GABBR2: variants seen among roughly 807,000 people sequenced by gnomAD.
The protein encoded by GABBR2 is G-protein coupled receptor 51.
GABBR2 carries 23 observed loss-of-function variants against 105.6 expected under a neutral mutation model. The ratio of observed to expected loss-of-function variants is 0.22; its 90% CI spans 0.16 to 0.31. GABBR2 has a LOEUF of 0.31. GABBR2 is among the 10% of genes least tolerant of loss of function. GABBR2 has a pLI of 1.00. For synonymous variants in GABBR2, 478 were observed against 499.7 expected (o/e 0.96, Z 0.58); for missense variants, 734 against 1,245.5 (o/e 0.59, Z 6.18).
chr9:98,691,659 T>G lies in GABBR2; in HGVS notation c.321+16758A>C, dbSNP rs556423303. ...GCCGTTCAGCTCTCTGTCCACAGTG[T>G]CTCTTGCGGTCAGTCACCTATGTGC... On this transcript the variant is annotated intron_variant, in intron 1 of 18. Coordinates refer to ENST00000259455, the MANE Select transcript of GABBR2 (RefSeq NM_005458.8). 3.5e-4 allele frequency among the ~76,000 whole-genome samples: 53 copies of G among 152,292 alleles called. No individual in the cohort carries two copies. The South Asian group carries it at 0.011, about 30-fold the overall frequency.
chr9:98,691,472 C>G (rs886935272), intron 1 of GABBR2, among the ~76,000 whole-genome samples: 1 of 152,210 alleles, frequency 6.6e-6, no homozygotes, highest in African/African-American at 2.4e-5. Context: ...TTGCCCAGCT[C>G]TCCGTTGACT....
In GABBR2 at chr9:98,576,933, T is replaced by TGGATGGATGGAA. The variant is rs1554718743; in HGVS notation, c.459+1001_459+1002insTTCCATCCATCC. Among the ~76,000 whole-genome samples, 202 of 145,540 alleles carry TGGATGGATGGAA rather than the reference T, an allele frequency of 1.4e-3. 2 individuals are homozygous for TGGATGGATGGAA. The highest frequency in any genetic ancestry group is 3.7e-3 in the African/African-American group (147 of 40,160). On this transcript the variant is annotated intron_variant, in intron 2 of 18. Coordinates refer to ENST00000259455, the MANE Select transcript of GABBR2 (RefSeq NM_005458.8). ...ATGGATGGATGGATGGATGGATGGA[T>TGGATGGATGGAA]GGATGGATGGATGGATGGATAGGTG...
In GABBR2 at chr9:98,362,736, T is replaced by C. The variant is rs77587953; in HGVS notation, c.1872A>G (p.Thr624=). 1 of 1,598,384 alleles carries C rather than the reference T, an allele frequency of 6.3e-7. No homozygotes were observed. Among genetic ancestry groups the C allele is most frequent in the Non-Finnish European group, 8.5e-7 (1 of 1,173,650 alleles). Reference sequence around the variant, plus strand: ...TTACCTCCATGCTGTACTTCTCCACTGTCCTTCGCAGGGGGTCCACAGCCT... The same window carrying C: ...TTACCTCCATGCTGTACTTCTCCACCGTCCTTCGCAGGGGGTCCACAGCCT... The part of the protein sequence containing the change: ...CWQAVDPLRR[T]VEKYSMEPDP... Residue 624 remains threonine (T), a synonymous_variant, in exon 13 of 19, where the codon ACA becomes ACG. Transcript: ENST00000259455.
chr9:98,345,065 C>T (rs1351696650), intron 13 of GABBR2, among the ~76,000 whole-genome samples: 1 of 152,152 alleles, frequency 6.6e-6, no homozygotes, highest in African/African-American at 2.4e-5. Flanking sequence ...CCTCCCTGCC[C>T]CCATATCACT....
chr9:98,327,520 A>C (rs973870311), intron 13 of GABBR2, among the ~76,000 whole-genome samples: 1 of 152,164 alleles, frequency 6.6e-6, no homozygotes, highest in Non-Finnish European at 1.5e-5. Flanking sequence ...TAGCCAAAGA[A>C]GTTTTGGAAA....
At chr9:98,538,688 C>A in intron 3 of GABBR2, 1 of 552,364 alleles carries the variant, frequency 1.8e-6, no homozygotes, top group Non-Finnish European at 2.3e-6. Flanking sequence ...CCCCCTCCGA[C>A]TTCAGGATTT....
intron 4 of GABBR2, among the ~76,000 whole-genome samples, chr9:98,489,959 G>A (rs780147755): frequency 1.3e-5 from 2 of 152,234 alleles, no homozygotes; most frequent in Non-Finnish European, 2.9e-5. Context: ...CAGGCTTGGT[G>A]GAGGGCACCT....
intron 2 of GABBR2, among the ~76,000 whole-genome samples, chr9:98,545,088 T>C (rs1828375133): frequency 1.3e-5 from 2 of 152,246 alleles, no homozygotes; most frequent in African/African-American, 4.8e-5. Context: ...GGCTTTCTGA[T>C]GTGATTTCTT....
intron 11 of GABBR2, among the ~76,000 whole-genome samples, chr9:98,381,346 C>A (rs1831972092): frequency 6.6e-6 from 1 of 152,222 alleles, no homozygotes; most frequent in African/African-American, 2.4e-5. Flanking sequence ...CCATAGGGGC[C>A]TGCTTCTCCT....
chr9:98,455,167 T>TC (rs1241056836), intron 6 of GABBR2, among the ~76,000 whole-genome samples: 2 of 152,210 alleles, frequency 1.3e-5, no homozygotes, highest in African/African-American at 4.8e-5. Context: ...GATTTTTTTT[T>TC]CTCCCATTGA....
chr9:98,307,224 T>C (rs1830565462), intron 14 of GABBR2, among the ~76,000 whole-genome samples: 1 of 152,176 alleles, frequency 6.6e-6, no homozygotes, highest in Admixed American at 6.5e-5. Flanking sequence ...GCAGCTCTAC[T>C]CCTAACCAAT....
chr9:98,469,253 T>G (rs1401271480), intron 6 of GABBR2, among the ~76,000 whole-genome samples: 1 of 152,082 alleles, frequency 6.6e-6, no homozygotes. Context: ...GTAAGAACCT[T>G]CTTCACAAGG....
chr9:98,662,477 T>C lies in GABBR2; in HGVS notation c.321+45940A>G, dbSNP rs556247730. On this transcript the variant is annotated intron_variant, in intron 1 of 18. Transcript: ENST00000259455. Reference sequence around the variant, plus strand: ...GGAGTGTGAAAATCGAAGACACTTCTTAGTAGCATATAAAGAAACTCACAT... The same window carrying C: ...GGAGTGTGAAAATCGAAGACACTTCCTAGTAGCATATAAAGAAACTCACAT... 2.6e-5 allele frequency among the ~76,000 whole-genome samples: 4 copies of C among 152,274 alleles called. No individual in the cohort carries two copies. The East Asian group carries it at 7.7e-4, about 29-fold the overall frequency.
intron 13 of GABBR2, among the ~76,000 whole-genome samples, chr9:98,342,461 G>A (rs1361013196): frequency 6.6e-6 from 1 of 152,082 alleles, no homozygotes. Context: ...TTAGCTGCTG[G>A]GGAAAATTTT....
At chr9:98,483,764 C>T (rs1826982208) in intron 4 of GABBR2, among the ~76,000 whole-genome samples, 1 of 152,160 alleles carries the variant, frequency 6.6e-6, no homozygotes, top group Non-Finnish European at 1.5e-5. Context: ...CTCCTCTGTT[C>T]TGAGAAACCA....
At chr9:98,361,318 A>C (rs542608340) in intron 13 of GABBR2, among the ~76,000 whole-genome samples, 1 of 152,264 alleles carries the variant, frequency 6.6e-6, no homozygotes, top group South Asian at 2.1e-4. Context: ...TACCTCCCAG[A>C]ATTGCTGTGA....
At chr9:98,350,417 T>C (rs545096588) in intron 13 of GABBR2, among the ~76,000 whole-genome samples, 4 of 152,172 alleles carry the variant, frequency 2.6e-5, no homozygotes, top group Admixed American at 6.5e-5. Flanking sequence ...CTGTATCTCA[T>C]AGGTTTTGGT....
rs371816156 is a variant in GABBR2, at chr9:98,605,874, G to A, written c.322-27802C>T. ...TGTGCCATGTTGGTGTGCTGCACCC[G>A]TTAACTCGTCATTTACGTTAGGTAT... On this transcript the variant is annotated intron_variant, in intron 1 of 18. Coordinates refer to ENST00000259455, the MANE Select transcript of GABBR2 (RefSeq NM_005458.8). 2.8e-4 allele frequency among the ~76,000 whole-genome samples: 43 copies of A among 152,168 alleles called. 2 individuals are homozygous for A. In the South Asian group the frequency reaches 7.0e-3, roughly 25 times the overall value.
At chr9:98,440,105 G>C (rs1826003942) in intron 7 of GABBR2, among the ~76,000 whole-genome samples, 1 of 152,196 alleles carries the variant, frequency 6.6e-6, no homozygotes, top group African/African-American at 2.4e-5. Flanking sequence ...CCAGTGACTA[G>C]CTGATAAGAG....
Sources: allele counts gnomAD v4.1 joint callset (sites outside exome capture counted in the v4.1 genomes callset), GRCh38; gene constraint gnomAD v4.1.1; transcripts MANE v1.5; gene names NCBI Gene and HGNC (gene_info 2026-07-23, HGNC 2026-07-21).